The following PXDNL variants were observed in gnomAD, a reference collection of about 807,000 sequenced individuals.
PXDNL encodes the protein probable oxidoreductase PXDNL.
A neutral mutation model predicts 150.8 loss-of-function variants in PXDNL; 145 were observed. That is an observed-to-expected ratio of 0.96 (90% CI 0.84 to 1.10). The LOEUF is 1.10. PXDNL is among the 50% of genes least tolerant of loss of function. PXDNL has a pLI of 0.00. For synonymous variants in PXDNL, 757 were observed against 725.7 expected, an observed-to-expected ratio of 1.04 and a Z score of -0.69; for missense variants, 2,087 against 1,873.9, an observed-to-expected ratio of 1.11 and a Z score of -2.10.
chr8:51,768,434 T>G (rs2037255528), intron 1 of PXDNL, among the ~76,000 whole-genome samples: 1 of 152,178 alleles, frequency 6.6e-6, no homozygotes, highest in Admixed American at 6.5e-5. Flanking sequence ...TTTGGTGACC[T>G]TTCTGCTATA....
At chr8:51,577,178 T>C (rs1220334241) in intron 3 of PXDNL, among the ~76,000 whole-genome samples, 1 of 151,686 alleles carries the variant, frequency 6.6e-6, no homozygotes, top group East Asian at 1.9e-4. Context: ...TACCAAAACC[T>C]GAGAGATAGT....
At chr8:51,556,279 G>A (rs77624625) in intron 4 of PXDNL, among the ~76,000 whole-genome samples, 12 of 91,052 alleles carry the variant, frequency 1.3e-4, no homozygotes, top group African/African-American at 2.9e-4. Flanking sequence ...TAATAATAAT[G>A]ATAATAATAA....
At chr8:51,608,585 C>T (rs1365084482) in intron 2 of PXDNL, among the ~76,000 whole-genome samples, 1 of 148,018 alleles carries the variant, frequency 6.8e-6, no homozygotes, top group Non-Finnish European at 1.5e-5. Context: ...CGCCTGTAAT[C>T]CCAGCACTTT....
intron 4 of PXDNL, among the ~76,000 whole-genome samples, chr8:51,522,120 A>G (rs775435529): frequency 2.6e-5 from 4 of 152,224 alleles, no homozygotes; most frequent in Non-Finnish European, 5.9e-5. Flanking sequence ...GTTCTCTAAA[A>G]TTCTAATGAG....
chr8:51,568,554 T>A (rs1173108679), intron 3 of PXDNL, among the ~76,000 whole-genome samples: 1 of 151,900 alleles, frequency 6.6e-6, no homozygotes, highest in Non-Finnish European at 1.5e-5. Context: ...TTTTCTGCAA[T>A]GTGAATATGC....
intron 1 of PXDNL, among the ~76,000 whole-genome samples, chr8:51,709,875 A>T (rs185695818): frequency 1.2e-4 from 19 of 152,326 alleles, no homozygotes; most frequent in African/African-American, 4.6e-4. Flanking sequence ...CACATTATCT[A>T]TGTGAAATTT....
At chr8:51,728,019 ACAC>A (rs1816846125) in intron 1 of PXDNL, among the ~76,000 whole-genome samples, 2 of 152,226 alleles carry the variant, frequency 1.3e-5, no homozygotes, top group Non-Finnish European at 2.9e-5. Flanking sequence ...CTATTGCTTA[ACAC>A]ATTAAATACA....
chr8:51,619,020 T>C (rs1814184466), intron 2 of PXDNL, among the ~76,000 whole-genome samples: 2 of 152,184 alleles, frequency 1.3e-5, no homozygotes, highest in Admixed American at 6.5e-5. Context: ...AGACCTCTCA[T>C]AGGATTCAGA....
At chr8:51,496,974 C>A (rs1316011428) in intron 5 of PXDNL, among the ~76,000 whole-genome samples, 1 of 152,126 alleles carries the variant, frequency 6.6e-6, no homozygotes, top group Admixed American at 6.5e-5. Flanking sequence ...CCCGGATTGC[C>A]AAGTCAATCC....
chr8:51,545,488 TCA>T (rs1262400294), intron 4 of PXDNL, among the ~76,000 whole-genome samples: 1 of 152,174 alleles, frequency 6.6e-6, no homozygotes, highest in African/African-American at 2.4e-5. Flanking sequence ...AAAAAAAATA[TCA>T]CAGACTGGGT....
chr8:51,782,192 G>A (rs1210586311), intron 1 of PXDNL, among the ~76,000 whole-genome samples: 2 of 152,188 alleles, frequency 1.3e-5, no homozygotes, highest in Non-Finnish European at 2.9e-5. Flanking sequence ...TGCTCCAGGA[G>A]TGAGTGTTCC....
intron 5 of PXDNL, among the ~76,000 whole-genome samples, chr8:51,491,396 G>C (rs964618694): frequency 1.1e-4 from 16 of 152,084 alleles, no homozygotes; most frequent in African/African-American, 3.9e-4. Flanking sequence ...GTCCAGGCTC[G>C]AGTTTTCTTT....
At chr8:51,363,956 G>A (rs968615420) in intron 19 of PXDNL, among the ~76,000 whole-genome samples, 2 of 152,108 alleles carry the variant, frequency 1.3e-5, no homozygotes, top group African/African-American at 4.8e-5. Context: ...TATAGTACTG[G>A]GCAAAGCTAG....
At chr8:51,543,871 T>A (rs895346331) in intron 4 of PXDNL, among the ~76,000 whole-genome samples, 1 of 152,008 alleles carries the variant, frequency 6.6e-6, no homozygotes, top group Non-Finnish European at 1.5e-5. Flanking sequence ...AAAGAAAAAT[T>A]TATTGGCAAG....
At chr8:51,546,579 C>A (rs1236201821) in intron 4 of PXDNL, among the ~76,000 whole-genome samples, 1 of 152,156 alleles carries the variant, frequency 6.6e-6, no homozygotes, top group Non-Finnish European at 1.5e-5. Context: ...CCTAGTTGAA[C>A]TTGGTAATAA....
At chr8:51,721,731 A>G (rs987710733) in intron 1 of PXDNL, 4 of 431,504 alleles carry the variant, frequency 9.3e-6, no homozygotes, top group African/African-American at 6.2e-5. Context: ...GAACTTCACT[A>G]TCATCATCAT....
intron 4 of PXDNL, among the ~76,000 whole-genome samples, chr8:51,520,212 A>G (rs990174272): frequency 2.0e-5 from 3 of 152,136 alleles, no homozygotes; most frequent in African/African-American, 7.2e-5. Flanking sequence ...TAAAGTCTCA[A>G]CCTTGGGAAG....
chr8:51,485,362 T>A (rs1810705789), intron 5 of PXDNL, among the ~76,000 whole-genome samples: 1 of 152,192 alleles, frequency 6.6e-6, no homozygotes, highest in South Asian at 2.1e-4. Context: ...AAGATGGATA[T>A]TGACAAAGAC....
At chr8:51,654,280 C>A (rs1245419057) in intron 2 of PXDNL, among the ~76,000 whole-genome samples, 1 of 152,158 alleles carries the variant, frequency 6.6e-6, no homozygotes, top group African/African-American at 2.4e-5. Context: ...TAAAGCTATT[C>A]TTTGTTTTAG....
Sources: allele counts gnomAD v4.1 joint callset (sites outside exome capture counted in the v4.1 genomes callset), GRCh38; gene constraint gnomAD v4.1.1; transcripts MANE v1.5; gene names NCBI Gene and HGNC (gene_info 2026-07-23, HGNC 2026-07-21).